Variants in NAALADL2 observed in about 807,000 individuals in gnomAD.
NAALADL2 encodes the protein inactive N-acetylated-alpha-linked acidic dipeptidase-like protein 2.
Under a neutral mutation model 87.2 loss-of-function variants are expected in NAALADL2, and 76 were observed. That is an observed-to-expected ratio of 0.87 (90% CI 0.72 to 1.05). The LOEUF is 1.05. NAALADL2 is among the 50% of genes least tolerant of loss of function. The probability of loss-of-function intolerance (pLI) is 0.00; values close to 1 mark genes in which losing one functional copy is unlikely to be tolerated. For missense variants in NAALADL2, 1,089 were observed against 945.8 expected (o/e 1.15, Z -1.99); for synonymous variants, 354 against 331.0 (o/e 1.07, Z -0.75).
chr3:175,093,412 T>TATATATATATATATATA (rs1720507064), intron 1 of NAALADL2, among the ~76,000 whole-genome samples: 1 of 45,306 alleles, frequency 2.2e-5, no homozygotes, highest in African/African-American at 1.2e-4. Context: ...TTCATTTTAT[T>TATATATATATATATATA]TTTTTATATA....
At chr3:175,111,574 A>C (rs1465025655) in intron 2 of NAALADL2, among the ~76,000 whole-genome samples, 1 of 151,694 alleles carries the variant, frequency 6.6e-6, no homozygotes, top group East Asian at 1.9e-4. Context: ...TTTTTAGGAA[A>C]ATAAAAGAAA....
chr3:175,604,292 A>C (rs1723367617), intron 10 of NAALADL2, among the ~76,000 whole-genome samples: 1 of 138,520 alleles, frequency 7.2e-6, no homozygotes, highest in Admixed American at 8.1e-5. Context: ...CTCATATGAC[A>C]TTGAAATTTT....
At chr3:175,569,823 TACACACACACACACACAC>T (rs34518577) in intron 9 of NAALADL2, among the ~76,000 whole-genome samples, 1 of 147,400 alleles carries the variant, frequency 6.8e-6, no homozygotes, top group Admixed American at 6.8e-5. Flanking sequence ...GACCAACTAA[TACACACACACACACACAC>T]ACACACACAC....
chr3:175,350,849 C>G lies in NAALADL2; in HGVS notation c.1090+26524C>G, dbSNP rs77936950. On this transcript the variant is annotated intron_variant, in intron 5 of 13. Transcript: ENST00000454872. ...GGACAATTAAAATTAAATTAACTTA[C>G]TGAATTGTAAATAAAATTATCTCTG... Among the ~76,000 whole-genome samples the G allele has an allele frequency of 3.9e-3, 591 of 152,236 alleles. 5 individuals are homozygous for G. The highest frequency in any genetic ancestry group is 0.013 in the African/African-American group (547 of 41,548).
At position 175,666,711 on chromosome 3, in the gene NAALADL2, G is replaced by A. The variant is rs191551901; in HGVS notation, c.1896+39325G>A. Among the ~76,000 whole-genome samples the A allele has an allele frequency of 6.0e-3, 911 of 152,060 alleles. 8 individuals carry two copies. Among genetic ancestry groups the A allele is most frequent in the Middle Eastern group, 0.024 (7 of 292 alleles). On this transcript the variant is annotated intron_variant, in intron 11 of 13. Coordinates refer to ENST00000454872, the MANE Select transcript of NAALADL2 (RefSeq NM_207015.3). Reference sequence around the variant, plus strand: ...ATACCATCTTTGGAACGTTACATTAGGATAATATGAATATCTTAAATATTG... The same window carrying A: ...ATACCATCTTTGGAACGTTACATTAAGATAATATGAATATCTTAAATATTG...
At chr3:174,450,325 T>G (rs1715394154) in intron 1 of NAALADL2, among the ~76,000 whole-genome samples, 1 of 152,048 alleles carries the variant, frequency 6.6e-6, no homozygotes, top group South Asian at 2.1e-4. Flanking sequence ...CAACTAAAAT[T>G]AGGGGTTTAT....
intron 1 of NAALADL2, among the ~76,000 whole-genome samples, chr3:174,516,771 T>G (rs916658549): frequency 3.3e-5 from 5 of 152,140 alleles, no homozygotes; most frequent in East Asian, 1.9e-4. Context: ...TTTACTAAAT[T>G]TTTATTTTTC....
At chr3:175,621,037 G>A (rs561976615) in intron 10 of NAALADL2, among the ~76,000 whole-genome samples, 2 of 152,268 alleles carry the variant, frequency 1.3e-5, no homozygotes, top group South Asian at 2.1e-4. Context: ...CATTCAGTTG[G>A]TTAAAAAGCA....
chr3:175,180,736 A>C, intron 2 of NAALADL2, among the ~76,000 whole-genome samples: 1 of 150,932 alleles, frequency 6.6e-6, no homozygotes, highest in South Asian at 2.1e-4. Flanking sequence ...AATGTATAAT[A>C]TAATAATTAT....
intron 1 of NAALADL2, among the ~76,000 whole-genome samples, chr3:174,952,621 G>A (rs1462953093): frequency 1.3e-5 from 2 of 152,018 alleles, no homozygotes; most frequent in African/African-American, 4.8e-5. Context: ...GGGGAATATT[G>A]GACTGAAACA....
chr3:175,330,640 T>C (rs1257442832), intron 5 of NAALADL2, among the ~76,000 whole-genome samples: 2 of 152,086 alleles, frequency 1.3e-5, no homozygotes, highest in Non-Finnish European at 1.5e-5. Context: ...CCAAAACCTA[T>C]GAGATATAGC....
At chr3:175,466,188 T>A (rs773002931) in intron 7 of NAALADL2, among the ~76,000 whole-genome samples, 2 of 152,010 alleles carry the variant, frequency 1.3e-5, no homozygotes, top group Non-Finnish European at 2.9e-5. Context: ...TGAAGAAAAA[T>A]TTTTGCACAG....
intron 2 of NAALADL2, among the ~76,000 whole-genome samples, chr3:174,601,528 A>G (rs1718460658): frequency 6.6e-6 from 1 of 152,022 alleles, no homozygotes; most frequent in African/African-American, 2.4e-5. Context: ...TCAGCTTCTT[A>G]TATATTCCAG....
At chr3:174,481,723 T>C (rs973920286) in intron 1 of NAALADL2, among the ~76,000 whole-genome samples, 1 of 152,128 alleles carries the variant, frequency 6.6e-6, no homozygotes, top group Non-Finnish European at 1.5e-5. Flanking sequence ...GAACAATGAT[T>C]GGGAGAAACC....
At chr3:175,507,351 A>G (rs1730492522) in intron 9 of NAALADL2, among the ~76,000 whole-genome samples, 2 of 152,162 alleles carry the variant, frequency 1.3e-5, no homozygotes, top group Non-Finnish European at 2.9e-5. Context: ...TCCCATGTCC[A>G]GGTGTCTCTT....
chr3:175,771,749 G>A (rs79311465), intron 13 of NAALADL2, among the ~76,000 whole-genome samples: 66 of 152,186 alleles, frequency 4.3e-4, no homozygotes, highest in African/African-American at 1.4e-3. Flanking sequence ...ATCAAAATCC[G>A]TAATCACATC....
chr3:175,048,980 T>C (rs532379879), intron 1 of NAALADL2, among the ~76,000 whole-genome samples: 7 of 152,250 alleles, frequency 4.6e-5, no homozygotes, highest in African/African-American at 1.7e-4. Flanking sequence ...AAAATAACAG[T>C]ATAAATTAGG....
At chr3:174,662,519 T>G (rs187903972) in intron 2 of NAALADL2, among the ~76,000 whole-genome samples, 21 of 152,282 alleles carry the variant, frequency 1.4e-4, no homozygotes, top group Middle Eastern at 3.4e-3. Context: ...CTGAAGTCGT[T>G]GAGATGCAAA....
At chr3:175,396,505 A>G (rs1298306997) in intron 5 of NAALADL2, among the ~76,000 whole-genome samples, 4 of 151,726 alleles carry the variant, frequency 2.6e-5, no homozygotes, top group Non-Finnish European at 1.5e-5. Context: ...CAGTTATTAG[A>G]TCAAGTAGAT....
Sources: gnomAD v4.1 joint callset for allele counts (sites outside exome capture counted in the v4.1 genomes callset) on GRCh38, gnomAD v4.1.1 for gene constraint, MANE v1.5 for transcripts, NCBI Gene and HGNC (gene_info 2026-07-23, HGNC 2026-07-21) for gene names.